RALA: variants seen among roughly 807,000 people sequenced by gnomAD.
RALA encodes ras-related protein Ral-A.
Under a neutral mutation model 24.0 loss-of-function variants are expected in RALA, and 5 were observed. The observed-to-expected ratio is 0.21, with a 90% CI of 0.11 to 0.44. The LOEUF (loss-of-function observed/expected upper bound fraction) is 0.44. Ranked by LOEUF, RALA falls within the 20% of genes least tolerant of loss-of-function variation. The pLI, the probability that RALA is intolerant of heterozygous loss-of-function variation, is 0.99. For synonymous variants in RALA, 77 were observed against 83.8 expected, an observed-to-expected ratio of 0.92 and a Z score of 0.44; for missense variants, 95 against 241.2, an observed-to-expected ratio of 0.39 and a Z score of 4.01.
chr7:39,662,369 T>C (rs1583726129), intron 1 of RALA, among the ~76,000 whole-genome samples: 1 of 152,316 alleles, frequency 6.6e-6, no homozygotes, highest in East Asian at 1.9e-4. Context: ...TGGCTTTTTT[T>C]TCCTATTGCA....
At chr7:39,664,320 A>G (rs866094341) in intron 1 of RALA, among the ~76,000 whole-genome samples, 2 of 152,242 alleles carry the variant, frequency 1.3e-5, no homozygotes, top group Non-Finnish European at 2.9e-5. Context: ...ACAAGAAGGC[A>G]TGGACAACAA....
At chr7:39,636,448 A>C (rs1189873303) in intron 1 of RALA, among the ~76,000 whole-genome samples, 1 of 152,086 alleles carries the variant, frequency 6.6e-6, no homozygotes, top group Non-Finnish European at 1.5e-5. Context: ...GGATACTTTG[A>C]GCTCACCTAT....
At chr7:39,636,216 G>A (rs551384629) in intron 1 of RALA, among the ~76,000 whole-genome samples, 1 of 152,230 alleles carries the variant, frequency 6.6e-6, no homozygotes, top group Non-Finnish European at 1.5e-5. Flanking sequence ...TCTCTTGGGT[G>A]TATATACCTA....
At chr7:39,646,635 AT>A (rs1409821298) in intron 1 of RALA, among the ~76,000 whole-genome samples, 1 of 152,206 alleles carries the variant, frequency 6.6e-6, no homozygotes, top group Non-Finnish European at 1.5e-5. Flanking sequence ...TCAAAAAAAG[AT>A]TGAACATTGA....
intron 4 of RALA, chr7:39,700,541 A>G (rs1484563304): frequency 6.6e-6 from 1 of 152,226 alleles, no homozygotes; most frequent in East Asian, 1.9e-4. Flanking sequence ...CCAGGCAGAA[A>G]CCATACGGCC....
intron 1 of RALA, among the ~76,000 whole-genome samples, chr7:39,673,187 C>A (rs1792419914): frequency 6.6e-6 from 1 of 150,450 alleles, no homozygotes; most frequent in Non-Finnish European, 1.5e-5. Context: ...GACTCTGTCT[C>A]AAAAAAAAGA....
intron 4 of RALA, among the ~76,000 whole-genome samples, chr7:39,699,173 G>T (rs1355393111): frequency 1.8e-5 from 2 of 111,804 alleles, no homozygotes; most frequent in African/African-American, 3.5e-5. Context: ...TCGCTCTGTC[G>T]CCCAGGCCGG....
chr7:39,649,260 A>G (rs1791978971), intron 1 of RALA, among the ~76,000 whole-genome samples: 1 of 152,204 alleles, frequency 6.6e-6, no homozygotes, highest in South Asian at 2.1e-4. Context: ...AGGCAGTTAC[A>G]TGTGAATCTG....
At chr7:39,672,126 A>G (rs1198769767) in intron 1 of RALA, among the ~76,000 whole-genome samples, 3 of 152,200 alleles carry the variant, frequency 2.0e-5, no homozygotes, top group Non-Finnish European at 4.4e-5. Flanking sequence ...TGTCAAGAAA[A>G]TGAAAAGATA....
chr7:39,649,584 G>A (rs548061927), intron 1 of RALA, among the ~76,000 whole-genome samples: 2 of 152,290 alleles, frequency 1.3e-5, no homozygotes, highest in South Asian at 4.1e-4. Flanking sequence ...GCAACAGGGT[G>A]CCATCTTGGA....
chr7:39,666,452 T>G (rs1792288548), intron 1 of RALA, among the ~76,000 whole-genome samples: 1 of 152,206 alleles, frequency 6.6e-6, no homozygotes, highest in Non-Finnish European at 1.5e-5. Flanking sequence ...TAAACAGATT[T>G]GTGATGGAGA....
chr7:39,627,406 G>C (rs1046369791), intron 1 of RALA, among the ~76,000 whole-genome samples: 3 of 152,164 alleles, frequency 2.0e-5, no homozygotes, highest in African/African-American at 7.2e-5. Context: ...GGCCTTCACA[G>C]CTAGGGTCCT....
intron 1 of RALA, among the ~76,000 whole-genome samples, chr7:39,671,055 G>C (rs988573168): frequency 6.6e-6 from 1 of 151,914 alleles, no homozygotes; most frequent in Admixed American, 6.6e-5. Context: ...AACTAATCTA[G>C]TTCATTTGAC....
At chr7:39,652,449 C>T (rs1485015952) in intron 1 of RALA, among the ~76,000 whole-genome samples, 1 of 152,098 alleles carries the variant, frequency 6.6e-6, no homozygotes, top group African/African-American at 2.4e-5. Context: ...TAAACAGGAC[C>T]ATAGTAGGGC....
At chr7:39,642,085 C>G (rs1311389409) in intron 1 of RALA, among the ~76,000 whole-genome samples, 2 of 152,182 alleles carry the variant, frequency 1.3e-5, no homozygotes, top group African/African-American at 4.8e-5. Context: ...AAGATCACCT[C>G]TACCCATCTT....
intron 1 of RALA, among the ~76,000 whole-genome samples, chr7:39,640,660 G>T (rs1193659885): frequency 6.6e-6 from 1 of 152,100 alleles, no homozygotes; most frequent in Non-Finnish European, 1.5e-5. Flanking sequence ...TTTCTTGGAG[G>T]CTTGGAAGAA....
At chr7:39,679,763 T>C (rs1792554835) in intron 1 of RALA, among the ~76,000 whole-genome samples, 1 of 151,980 alleles carries the variant, frequency 6.6e-6, no homozygotes, top group South Asian at 2.1e-4. Context: ...CAGGCTGGAG[T>C]GCAATGGCGC....
chr7:39,672,626 G>A (rs920738257), intron 1 of RALA, among the ~76,000 whole-genome samples: 14 of 138,308 alleles, frequency 1.0e-4, no homozygotes, highest in African/African-American at 2.2e-4. Flanking sequence ...GATACATCCA[G>A]ACAATGGAAT....
chr7:39,651,684 G>C (rs546043861), intron 1 of RALA, among the ~76,000 whole-genome samples: 10 of 152,038 alleles, frequency 6.6e-5, no homozygotes, highest in African/African-American at 1.9e-4. Flanking sequence ...CCCTTGTTCA[G>C]ATTACTCTTA....
Sources: allele counts gnomAD v4.1 joint callset (sites outside exome capture counted in the v4.1 genomes callset), GRCh38; gene constraint gnomAD v4.1.1; transcripts MANE v1.5; gene names NCBI Gene and HGNC (gene_info 2026-07-23, HGNC 2026-07-21).